Variants in PRKAG2 observed in about 807,000 individuals in gnomAD.
The protein encoded by PRKAG2 is 5'-AMP-activated protein kinase subunit gamma-2.
In PRKAG2, 26 loss-of-function variants were observed where a neutral mutation model predicts 69.6. The ratio of observed to expected loss-of-function variants is 0.37; its 90% confidence interval spans 0.27 to 0.52. PRKAG2 has a LOEUF of 0.52. Ranked by LOEUF, PRKAG2 falls within the 20% of genes least tolerant of loss-of-function variation. PRKAG2 has a pLI of 0.90. For synonymous variants in PRKAG2, 293 were observed against 285.0 expected, an observed-to-expected ratio of 1.03 and a Z score of -0.28; for missense variants, 557 against 740.0, an observed-to-expected ratio of 0.75 and a Z score of 2.87.
Position 151,556,796 on chromosome 7 carries a change from C to T in PRKAG2, c.*405G>A, listed in dbSNP as rs1201590549. ...CATTCAAGCTCGGTGTTGTTTCACA[C>T]GCGTGCGCCCCGGCTGCGGCGGTGA... On this transcript the variant is annotated 3_prime_UTR_variant, in exon 16 of 16. Transcript: ENST00000287878. The T allele has an allele frequency of 1.0e-4, 19 of 190,702 alleles. No individual in the cohort carries two copies. The highest frequency in any genetic ancestry group is 7.6e-4 in the Admixed American group (14 of 18,338). The allele number at this position is 190,702 out of a possible 1,614,324, so 11.8% of individuals were successfully genotyped here. A position where few individuals can be genotyped will look rare whatever the true frequency, so the allele number is the denominator to read the frequency against.
chr7:151,787,518 G>A (rs2077072936), intron 1 of PRKAG2, among the ~76,000 whole-genome samples: 3 of 152,212 alleles, frequency 2.0e-5, no homozygotes, highest in Admixed American at 2.0e-4. Context: ...CCAGGTGGTA[G>A]TGTGTGCCAC....
chr7:151,643,686 A>G (rs555322947), intron 4 of PRKAG2, among the ~76,000 whole-genome samples: 5 of 152,332 alleles, frequency 3.3e-5, no homozygotes, highest in African/African-American at 1.2e-4. Context: ...ATAGCCACTT[A>G]TGGTGGATTA....
chr7:151,615,297 T>C (rs1028357411), intron 5 of PRKAG2, among the ~76,000 whole-genome samples: 1 of 152,228 alleles, frequency 6.6e-6, no homozygotes, highest in Non-Finnish European at 1.5e-5. Flanking sequence ...TTTAGTTTGA[T>C]TCCATGTCTT....
At chr7:151,691,891 G>C (rs1014852834) in intron 3 of PRKAG2, among the ~76,000 whole-genome samples, 14 of 152,166 alleles carry the variant, frequency 9.2e-5, no homozygotes, top group African/African-American at 3.4e-4. Flanking sequence ...CCCCAAACTG[G>C]AGACAATTCA....
At chr7:151,631,064 T>C (rs1363403157) in intron 5 of PRKAG2, among the ~76,000 whole-genome samples, 3 of 152,208 alleles carry the variant, frequency 2.0e-5, no homozygotes, top group Non-Finnish European at 4.4e-5. Flanking sequence ...ATTTAAGTAA[T>C]TGCCTGACTG....
At chr7:151,693,801 C>G (rs12673432) in intron 3 of PRKAG2, among the ~76,000 whole-genome samples, 242 of 152,320 alleles carry the variant, frequency 1.6e-3, no homozygotes, top group East Asian at 3.7e-3. Context: ...GAAGCAGGTC[C>G]TCAGCAGACA....
intron 3 of PRKAG2, among the ~76,000 whole-genome samples, chr7:151,706,334 G>C (rs528086205): frequency 2.4e-4 from 36 of 152,312 alleles, no homozygotes; most frequent in Non-Finnish European, 4.7e-4. Context: ...AGGCTGCAGA[G>C]AGACCCACTC....
chr7:151,623,362 T>TGAA (rs1821976880), intron 5 of PRKAG2, among the ~76,000 whole-genome samples: 1 of 14,242 alleles, frequency 7.0e-5, no homozygotes, highest in Non-Finnish European at 1.3e-4. Context: ...AGACTCTGTC[T>TGAA]CAAAAAAAAA....
intron 3 of PRKAG2, among the ~76,000 whole-genome samples, chr7:151,685,241 A>G (rs1894813): frequency 0.27 from 41,197 of 151,918 alleles, 6,594 homozygotes; most frequent in Middle Eastern, 0.38. Context: ...AACCTGAACT[A>G]TTCTACCTCC....
chr7:151,677,810 CTT>C (rs1833179116), intron 3 of PRKAG2, among the ~76,000 whole-genome samples: 1 of 152,228 alleles, frequency 6.6e-6, no homozygotes, highest in Non-Finnish European at 1.5e-5. Flanking sequence ...TCTGTGGTCA[CTT>C]TCCTTTTTCT....
At chr7:151,769,601 A>G (rs960555769) in intron 3 of PRKAG2, among the ~76,000 whole-genome samples, 95 of 152,272 alleles carry the variant, frequency 6.2e-4, no homozygotes, top group African/African-American at 2.2e-3. Flanking sequence ...TCCTGCTGAC[A>G]CCCTGATTCC....
At chr7:151,758,996 C>T (rs6965771) in intron 3 of PRKAG2, among the ~76,000 whole-genome samples, 32,905 of 152,106 alleles carry the variant, frequency 0.22, 4,081 homozygotes, top group Admixed American at 0.27. Context: ...CTCTTTACTG[C>T]ACAGTAGCCA....
intron 3 of PRKAG2, among the ~76,000 whole-genome samples, chr7:151,691,321 T>C (rs1563440306): frequency 1.3e-5 from 2 of 152,162 alleles, no homozygotes; most frequent in Admixed American, 1.3e-4. Context: ...TATTATTTTT[T>C]CCCCTGAATA....
Position 151,556,722 on chromosome 7 carries a change from CA to C in PRKAG2, c.*478del, listed in dbSNP as rs1352701282. 1 of 156,902 alleles carries C rather than the reference CA, an allele frequency of 6.4e-6. No individual in the cohort carries two copies. Among genetic ancestry groups the C allele is most frequent in the Non-Finnish European group, 1.4e-5 (1 of 70,614 alleles). The allele number at this position is 156,902 out of a possible 1,614,324, so 9.7% of individuals were successfully genotyped here. On this transcript the variant is annotated 3_prime_UTR_variant, in exon 16 of 16. Transcript: ENST00000287878. ...TTATATTCAAATTACAACTTTTTGA[CA>C]AATCTAAAGAAAACAAACTGATTTG...
At chr7:151,586,895 G>C (rs1041779041) in intron 6 of PRKAG2, among the ~76,000 whole-genome samples, 2 of 152,156 alleles carry the variant, frequency 1.3e-5, no homozygotes, top group Non-Finnish European at 1.5e-5. Flanking sequence ...TTGATCATGT[G>C]CTCTGCATTC....
chr7:151,812,704 C>T (rs541060045), intron 1 of PRKAG2, among the ~76,000 whole-genome samples: 1 of 152,336 alleles, frequency 6.6e-6, no homozygotes, highest in Non-Finnish European at 1.5e-5. Context: ...TCCACCCAAC[C>T]TCAGTCCACC....
chr7:151,789,684 C>T (rs149937668), intron 1 of PRKAG2, among the ~76,000 whole-genome samples: 1 of 152,354 alleles, frequency 6.6e-6, no homozygotes, highest in Non-Finnish European at 1.5e-5. Flanking sequence ...TGGTGTTTAT[C>T]TCCAAAGTTC....
At chr7:151,734,178 C>CA (rs1799396744) in intron 3 of PRKAG2, 1 of 152,244 alleles carries the variant, frequency 6.6e-6, no homozygotes, top group Non-Finnish European at 1.5e-5. Context: ...ACAATCTGAG[C>CA]CTGCAGACGC....
At chr7:151,759,586 A>G (rs1367330950) in intron 3 of PRKAG2, among the ~76,000 whole-genome samples, 3 of 152,142 alleles carry the variant, frequency 2.0e-5, no homozygotes, top group African/African-American at 7.2e-5. Context: ...TCCTAACACC[A>G]GCTTTCTTCT....
Sources: allele counts gnomAD v4.1 joint callset (sites outside exome capture counted in the v4.1 genomes callset), GRCh38; gene constraint gnomAD v4.1.1; transcripts MANE v1.5; gene names NCBI Gene and HGNC (gene_info 2026-07-23, HGNC 2026-07-21).